LHFPL2: variants seen among roughly 807,000 people sequenced by gnomAD.
The protein encoded by LHFPL2 is LHFPL tetraspan subfamily member 2 protein.
Under a neutral mutation model 17.5 loss-of-function variants are expected in LHFPL2, and 7 were observed. That is an observed-to-expected ratio of 0.40 (90% CI 0.23 to 0.75). LHFPL2 has a LOEUF of 0.75. Ranked by LOEUF, LHFPL2 falls within the 30% of genes least tolerant of loss-of-function variation. The pLI is 0.37. For synonymous variants in LHFPL2, 134 were observed against 116.2 expected (o/e 1.15, Z -0.99); for missense variants, 241 against 294.8 (o/e 0.82, Z 1.34).
intron 3 of LHFPL2, among the ~76,000 whole-genome samples, chr5:78,541,040 T>C (rs1344784977): frequency 1.3e-5 from 2 of 152,186 alleles, no homozygotes; most frequent in Non-Finnish European, 1.5e-5. Flanking sequence ...ATGGCATTAA[T>C]ATGAGCATTA....
chr5:78,644,234 T>C (rs929504718), intron 1 of LHFPL2: 15 of 684,564 alleles, frequency 2.2e-5, no homozygotes, highest in Admixed American at 1.9e-4. Flanking sequence ...AAATGCTTTA[T>C]AGATAAGAAA....
intron 4 of LHFPL2, among the ~76,000 whole-genome samples, chr5:78,493,753 T>C (rs994920149): frequency 6.6e-6 from 1 of 152,076 alleles, no homozygotes; most frequent in Non-Finnish European, 1.5e-5. Context: ...GAGCCCTGGG[T>C]TTTAAAAGCA....
intron 3 of LHFPL2, among the ~76,000 whole-genome samples, chr5:78,563,105 G>A (rs1756772866): frequency 6.6e-6 from 1 of 152,178 alleles, no homozygotes; most frequent in African/African-American, 2.4e-5. Flanking sequence ...CCCGGCACAG[G>A]CCTGCCTCCA....
intron 1 of LHFPL2, among the ~76,000 whole-genome samples, chr5:78,639,229 C>T (rs1357167342): frequency 6.6e-6 from 1 of 152,140 alleles, no homozygotes; most frequent in African/African-American, 2.4e-5. Context: ...TCCCTGACTA[C>T]AGCTCTTTTT....
At chr5:78,503,284 A>AT (rs1754828861) in intron 4 of LHFPL2, among the ~76,000 whole-genome samples, 1 of 152,218 alleles carries the variant, frequency 6.6e-6, no homozygotes, top group South Asian at 2.1e-4. Flanking sequence ...TTATGTCGAC[A>AT]ATTAAGTAGT....
intron 2 of LHFPL2, among the ~76,000 whole-genome samples, chr5:78,617,864 T>C (rs1322433722): frequency 6.6e-6 from 1 of 152,020 alleles, no homozygotes; most frequent in Non-Finnish European, 1.5e-5. Flanking sequence ...GGCATTAAAG[T>C]CTGCAGAGTG....
chr5:78,525,110 G>C (rs1755578273), intron 3 of LHFPL2, among the ~76,000 whole-genome samples: 1 of 152,164 alleles, frequency 6.6e-6, no homozygotes, highest in Admixed American at 6.5e-5. Context: ...CCAGTAGCGC[G>C]CTCTCAGTCG....
intron 3 of LHFPL2, among the ~76,000 whole-genome samples, chr5:78,544,358 G>C (rs752464084): frequency 9.2e-5 from 14 of 152,170 alleles, no homozygotes; most frequent in Non-Finnish European, 1.9e-4. Flanking sequence ...GCAGAGCTCA[G>C]GTCTTTGGTT....
At chr5:78,579,337 T>G (rs1364084708) in intron 2 of LHFPL2, among the ~76,000 whole-genome samples, 2 of 151,980 alleles carry the variant, frequency 1.3e-5, no homozygotes, top group African/African-American at 4.8e-5. Flanking sequence ...TGTTGTTGTT[T>G]TTCATTTATT....
chr5:78,576,247 A>T (rs1314719462), intron 2 of LHFPL2, among the ~76,000 whole-genome samples: 1 of 151,976 alleles, frequency 6.6e-6, no homozygotes, highest in East Asian at 1.9e-4. Flanking sequence ...GTGAGCCGAG[A>T]TCGCGCCACT....
At chr5:78,644,143 C>CAG (rs1745779756) in intron 1 of LHFPL2, 2 of 524,074 alleles carry the variant, frequency 3.8e-6, no homozygotes, top group Non-Finnish European at 3.4e-6. Context: ...ACAAAAAAGA[C>CAG]AATGTACAAT....
intron 4 of LHFPL2, among the ~76,000 whole-genome samples, chr5:78,499,260 CT>C (rs1403769387): frequency 1.3e-5 from 2 of 152,186 alleles, no homozygotes; most frequent in African/African-American, 4.8e-5. Context: ...GATTAGAACC[CT>C]TTAATAATCA....
At chr5:78,493,287 T>C (rs1300027383) in intron 4 of LHFPL2, among the ~76,000 whole-genome samples, 1 of 152,154 alleles carries the variant, frequency 6.6e-6, no homozygotes, top group African/African-American at 2.4e-5. Flanking sequence ...GGTTCTCCAC[T>C]GCTCTCAGGC....
At position 78,510,313 on chromosome 5, in the gene LHFPL2, G is replaced by A. The variant is rs1171843405; in HGVS notation, c.-100C>T. Reference sequence around the variant, plus strand: ...GCTCGGGCGGCCCGGGAAGGAAGTCGCAGCTGCAGTCATTCACTCCCGCCG... The same window carrying A: ...GCTCGGGCGGCCCGGGAAGGAAGTCACAGCTGCAGTCATTCACTCCCGCCG... On this transcript the variant is annotated 5_prime_UTR_variant, in exon 4 of 5. Coordinates refer to ENST00000380345, the MANE Select transcript of LHFPL2 (RefSeq NM_005779.3). The A allele has an allele frequency of 8.4e-7, 1 of 1,185,232 alleles. No individual in the cohort carries two copies. The highest frequency in any genetic ancestry group is 1.2e-6 in the Non-Finnish European group (1 of 856,668). The allele number at this position is 1,185,232 out of a possible 1,614,324, so 73.4% of individuals were successfully genotyped here.
At chr5:78,493,937 C>A (rs1045251121) in intron 4 of LHFPL2, among the ~76,000 whole-genome samples, 1 of 152,232 alleles carries the variant, frequency 6.6e-6, no homozygotes, top group African/African-American at 2.4e-5. Context: ...CAGGGACTAT[C>A]AGCTTGGTCA....
intron 1 of LHFPL2, among the ~76,000 whole-genome samples, chr5:78,634,748 G>C (rs1468226681): frequency 6.6e-6 from 1 of 152,228 alleles, no homozygotes; most frequent in Non-Finnish European, 1.5e-5. Context: ...CAAGGCCGCA[G>C]AGCAAGCTAA....
intron 3 of LHFPL2, among the ~76,000 whole-genome samples, chr5:78,524,133 G>A (rs1033801066): frequency 4.6e-5 from 7 of 152,148 alleles, no homozygotes; most frequent in Admixed American, 2.0e-4. Context: ...TACAAGACTC[G>A]CTCCACACAG....
chr5:78,610,695 T>C (rs1342965643), intron 2 of LHFPL2, among the ~76,000 whole-genome samples: 1 of 152,168 alleles, frequency 6.6e-6, no homozygotes, highest in Non-Finnish European at 1.5e-5. Context: ...AAATCCAGCC[T>C]CTAACAATGA....
At chr5:78,506,517 G>A (rs984645154) in intron 4 of LHFPL2, among the ~76,000 whole-genome samples, 11 of 152,182 alleles carry the variant, frequency 7.2e-5, no homozygotes, top group African/African-American at 2.7e-4. Context: ...GCTGAGGCTG[G>A]GGCTGACCAG....
Sources: allele counts gnomAD v4.1 joint callset (sites outside exome capture counted in the v4.1 genomes callset), GRCh38; gene constraint gnomAD v4.1.1; transcripts MANE v1.5; gene names NCBI Gene and HGNC (gene_info 2026-07-23, HGNC 2026-07-21).